Variants in CNTN5 observed in about 807,000 individuals in gnomAD.
CNTN5 encodes contactin-5.
CNTN5 carries 77 observed loss-of-function variants against 129.1 expected under a neutral mutation model. The observed-to-expected ratio is 0.60, with a 90% confidence interval of 0.50 to 0.72. The LOEUF (loss-of-function observed/expected upper bound fraction) is 0.72. Among genes scored for constraint, CNTN5 ranks in the 30% least tolerant of loss-of-function variants. CNTN5 has a pLI of 0.00. For missense variants in CNTN5, 1,478 were observed against 1,328.8 expected (o/e 1.11, Z -1.75); for synonymous variants, 509 against 465.6 (o/e 1.09, Z -1.20).
chr11:99,824,443 C>G (rs1012727192), intron 4 of CNTN5, among the ~76,000 whole-genome samples: 1 of 151,814 alleles, frequency 6.6e-6, no homozygotes, highest in Admixed American at 6.6e-5. Flanking sequence ...ACTGTTATTT[C>G]TGTTAGAATA....
intron 3 of CNTN5, among the ~76,000 whole-genome samples, chr11:99,570,024 T>C (rs1949127589): frequency 6.6e-6 from 1 of 151,822 alleles, no homozygotes; most frequent in African/African-American, 2.4e-5. Flanking sequence ...GAAGGTAAGA[T>C]ATTTGAATAG....
intron 2 of CNTN5, among the ~76,000 whole-genome samples, chr11:99,543,640 G>A (rs545503801): frequency 1.7e-4 from 26 of 152,150 alleles, no homozygotes; most frequent in African/African-American, 5.5e-4. Context: ...AAATTAGGCC[G>A]GGTGCGGTGG....
chr11:99,802,576 C>G (rs1485740336), intron 3 of CNTN5, among the ~76,000 whole-genome samples: 1 of 152,144 alleles, frequency 6.6e-6, no homozygotes, highest in African/African-American at 2.4e-5. Flanking sequence ...GGAAGGAAAC[C>G]TAAACTCCTA....
At chr11:99,398,887 C>A (rs1370865483) in intron 2 of CNTN5, among the ~76,000 whole-genome samples, 1 of 151,584 alleles carries the variant, frequency 6.6e-6, no homozygotes, top group African/African-American at 2.4e-5. Flanking sequence ...GCCTTTTTTG[C>A]TCTCCTTTTG....
intron 16 of CNTN5, among the ~76,000 whole-genome samples, chr11:100,255,308 C>A (rs946580884): frequency 2.6e-5 from 4 of 152,108 alleles, no homozygotes; most frequent in African/African-American, 9.7e-5. Flanking sequence ...AGGGCTTGTA[C>A]ATTGTATGTT....
intron 16 of CNTN5, chr11:100,225,314 C>A (rs981131221): frequency 6.6e-6 from 1 of 152,534 alleles, no homozygotes; most frequent in East Asian, 1.9e-4. Context: ...CATACAACCT[C>A]TCTATGCAGA....
chr11:99,280,295 A>C (rs907130963), intron 1 of CNTN5, among the ~76,000 whole-genome samples: 1 of 151,848 alleles, frequency 6.6e-6, no homozygotes, highest in Non-Finnish European at 1.5e-5. Flanking sequence ...GAAATAAATC[A>C]AAAGCAATTG....
chr11:99,677,698 T>A (rs545853972), intron 3 of CNTN5, among the ~76,000 whole-genome samples: 61 of 138,588 alleles, frequency 4.4e-4, no homozygotes, highest in African/African-American at 2.1e-3. Flanking sequence ...TGTTCAAAAC[T>A]GTTTATTTTA....
intron 13 of CNTN5, among the ~76,000 whole-genome samples, chr11:100,153,873 A>G (rs377704609): frequency 1.4e-4 from 21 of 151,770 alleles, no homozygotes; most frequent in East Asian, 6.2e-4. Flanking sequence ...TCTAGTGCAT[A>G]TAAGTTTCAA....
chr11:99,440,084 C>G (rs1416124744), intron 2 of CNTN5, among the ~76,000 whole-genome samples: 1 of 152,108 alleles, frequency 6.6e-6, no homozygotes, highest in Non-Finnish European at 1.5e-5. Context: ...CACTCTAGAA[C>G]AGTTTCTTCT....
chr11:99,181,743 G>A (rs183040591), intron 1 of CNTN5, among the ~76,000 whole-genome samples: 2 of 152,250 alleles, frequency 1.3e-5, no homozygotes, highest in East Asian at 3.9e-4. Context: ...ACAAGCCTTA[G>A]GGGCAGGATC....
rs954960649 is a variant in CNTN5 at position 99,841,405 on chromosome 11, A to G, written c.278-3447A>G. Among the ~76,000 whole-genome samples, 3 of 152,164 alleles carry G rather than the reference A, an allele frequency of 2.0e-5. No individual in the cohort carries two copies. In the South Asian group the frequency reaches 6.2e-4, roughly 31 times the overall value. The stretch of plus-strand genomic sequence containing the variant: ...AAATTTGGAACCAGAGAATCTTAAA[A>G]TCAACTGTCTTCTTATACGGCTAAC... On this transcript the variant is annotated intron_variant, in intron 4 of 24. Transcript: ENST00000524871.
chr11:100,332,457 A>G (rs527666341), intron 21 of CNTN5, among the ~76,000 whole-genome samples: 1 of 152,296 alleles, frequency 6.6e-6, no homozygotes, highest in South Asian at 2.1e-4. Context: ...AAGACAGAGA[A>G]AGAGGGAATC....
intron 1 of CNTN5, among the ~76,000 whole-genome samples, chr11:99,188,458 T>A (rs1029560914): frequency 3.3e-5 from 5 of 151,752 alleles, no homozygotes; most frequent in African/African-American, 1.2e-4. Context: ...GTTTTGCCAA[T>A]CTGATAGGTG....
intron 3 of CNTN5, among the ~76,000 whole-genome samples, chr11:99,799,222 A>G (rs1946040600): frequency 6.6e-6 from 1 of 151,586 alleles, no homozygotes; most frequent in Non-Finnish European, 1.5e-5. Flanking sequence ...ACCTTTTTCT[A>G]TTTCAGTGCC....
At chr11:99,355,748 A>G (rs1591564095) in intron 2 of CNTN5, among the ~76,000 whole-genome samples, 1 of 151,612 alleles carries the variant, frequency 6.6e-6, no homozygotes, top group Admixed American at 6.6e-5. Context: ...TCCTTTTTAG[A>G]CAGCCTATAA....
At chr11:100,154,855 C>T (rs1472570744) in intron 13 of CNTN5, among the ~76,000 whole-genome samples, 1 of 151,968 alleles carries the variant, frequency 6.6e-6, no homozygotes, top group Non-Finnish European at 1.5e-5. Flanking sequence ...CCTTTGCCTA[C>T]TTTTTGATGG....
chr11:99,463,306 C>T (rs562451616), intron 2 of CNTN5, among the ~76,000 whole-genome samples: 1,850 of 150,210 alleles, frequency 0.012, 37 homozygotes, highest in African/African-American at 0.042. Context: ...GGCGTGGTGG[C>T]GGGCGCCTGT....
At chr11:99,469,037 A>G (rs1169719290) in intron 2 of CNTN5, among the ~76,000 whole-genome samples, 2 of 152,166 alleles carry the variant, frequency 1.3e-5, no homozygotes, top group African/African-American at 4.8e-5. Context: ...TTTACATAAG[A>G]TTTAGAAAGT....
Sources: gnomAD v4.1 joint callset for allele counts (sites outside exome capture counted in the v4.1 genomes callset) on GRCh38, gnomAD v4.1.1 for gene constraint, MANE v1.5 for transcripts, NCBI Gene and HGNC (gene_info 2026-07-23, HGNC 2026-07-21) for gene names.